The following C14orf39 variants were observed in gnomAD, a reference collection of about 807,000 sequenced individuals.
The protein encoded by C14orf39 is chromosome 14 open reading frame 39.
In C14orf39, 66 loss-of-function variants were observed where a neutral mutation model predicts 85.6. The observed-to-expected ratio is 0.77, with a 90% CI of 0.63 to 0.95. The LOEUF (loss-of-function observed/expected upper bound fraction) is 0.95. C14orf39 is among the 40% of genes least tolerant of loss of function. The pLI is 0.00. For synonymous variants in C14orf39, 242 were observed against 214.0 expected (o/e 1.13, Z -1.14); for missense variants, 735 against 663.9 (o/e 1.11, Z -1.18).
chr14:60,451,207 G>A (rs1002107028), intron 16 of C14orf39, among the ~76,000 whole-genome samples: 1 of 152,160 alleles, frequency 6.6e-6, no homozygotes, highest in African/African-American at 2.4e-5. Context: ...TGGAGAGGAT[G>A]TGGAGAAATA....
intron 16 of C14orf39, among the ~76,000 whole-genome samples, chr14:60,446,505 G>A (rs1011085287): frequency 2.0e-5 from 3 of 152,182 alleles, no homozygotes; most frequent in Admixed American, 6.5e-5. Flanking sequence ...CCAGGAAGAA[G>A]TTGAATCTCT....
chr14:60,468,423 T>A (rs1448581032), intron 9 of C14orf39, 22 bp downstream of exon 9: 10 of 1,433,232 alleles, frequency 7.0e-6, no homozygotes, highest in Non-Finnish European at 9.5e-6. Context: ...ACATAAAATT[T>A]AATTTTAAAG....
At chr14:60,454,849 T>C (rs1283344577) in intron 16 of C14orf39, 152 bp downstream of exon 16, 6 of 504,128 alleles carry the variant, frequency 1.2e-5, no homozygotes, top group Middle Eastern at 5.3e-4. Flanking sequence ...AAAAAGGTAA[T>C]AGGGAACTTT....
intron 13 of C14orf39, among the ~76,000 whole-genome samples, chr14:60,460,824 C>A (rs1440780861): frequency 1.3e-5 from 2 of 150,782 alleles, no homozygotes; most frequent in Non-Finnish European, 1.5e-5. Flanking sequence ...AGAAAATAGT[C>A]CAAGGTATTA....
At chr14:60,471,513 G>T in intron 6 of C14orf39, 39 bp downstream of exon 6, 1 of 1,569,184 alleles carries the variant, frequency 6.4e-7, no homozygotes. Context: ...TCATTACAAA[G>T]ATATCATAAT....
At chr14:60,487,445 G>T (rs1378554599), upstream of C14orf39, among the ~76,000 whole-genome samples, 2 of 151,522 alleles carry the variant, frequency 1.3e-5, no homozygotes. Flanking sequence ...TCATCCATGT[G>T]GTCACAAATG....
At chr14:60,502,338 CAG>C (rs1893159294) in intron 1 of C14orf39, among the ~76,000 whole-genome samples, 1 of 151,828 alleles carries the variant, frequency 6.6e-6, no homozygotes, top group Non-Finnish European at 1.5e-5. Flanking sequence ...TATTACAACA[CAG>C]AGAAATACAA....
At chr14:60,506,800 G>A (rs776921176) in intron 1 of C14orf39, among the ~76,000 whole-genome samples, 11 of 152,142 alleles carry the variant, frequency 7.2e-5, no homozygotes, top group Non-Finnish European at 1.6e-4. Context: ...CCAGTTGCCC[G>A]CGAGCCTCAG....
At chr14:60,485,786 G>A (rs974510149) in intron 1 of C14orf39, among the ~76,000 whole-genome samples, 159 bp downstream of exon 1, 31 of 151,450 alleles carry the variant, frequency 2.0e-4, no homozygotes, top group Non-Finnish European at 3.8e-4. Context: ...ATCCCCCGCC[G>A]CGCCCTCAGC....
chr14:60,470,830 T>A (rs1002762489), intron 7 of C14orf39, among the ~76,000 whole-genome samples: 3 of 151,926 alleles, frequency 2.0e-5, no homozygotes, highest in African/African-American at 7.2e-5. Context: ...TGAAGGATTG[T>A]GGAGGTTGAA....
intron 4 of C14orf39, among the ~76,000 whole-genome samples, chr14:60,481,817 CTTA>C (rs2140156329): frequency 6.6e-6 from 1 of 152,032 alleles, no homozygotes; most frequent in African/African-American, 2.4e-5. Context: ...TTTGCTTTTT[CTTA>C]TTAATTTCTA....
rs1893352653 is a variant in C14orf39 at position 60,515,415 on chromosome 14, C to A, written c.-164G>T. The stretch of plus-strand genomic sequence containing the variant: ...CCCACCTTTTCCATCCAGCGCCCCG[C>A]GAACTCGCGGACGTGTAGGCCTCGA... On this transcript the variant is annotated 5_prime_UTR_variant, in exon 1 of 6. Transcript: ENST00000556799. This position sits in a 1 kb window ranked among gnomAD's most constrained non-coding sequence, Gnocchi z 6.2. The A allele has an allele frequency of 6.6e-6, 1 of 152,138 alleles. No individual in the cohort carries two copies. 9.4% of individuals were successfully genotyped at this position (152,138 alleles called of 1,614,324 possible).
At chr14:60,441,084 A>G (rs1258693113) in intron 17 of C14orf39, among the ~76,000 whole-genome samples, 1 of 152,154 alleles carries the variant, frequency 6.6e-6, no homozygotes, top group Non-Finnish European at 1.5e-5. Flanking sequence ...GCCCACCTGG[A>G]AAATGACCTT....
chr14:60,465,904 T>G, intron 11 of C14orf39, 75 bp downstream of exon 11: 7 of 656,160 alleles, frequency 1.1e-5, no homozygotes, highest in South Asian at 4.9e-5. Flanking sequence ...GTCTGTGTCT[T>G]AAGGGCAGTA....
At chr14:60,465,541 A>C (rs893643707) in intron 11 of C14orf39, among the ~76,000 whole-genome samples, 2 of 152,028 alleles carry the variant, frequency 1.3e-5, no homozygotes, top group Non-Finnish European at 2.9e-5. Flanking sequence ...AAGTAAACTA[A>C]CTACCACTGA....
At chr14:60,509,092 C>A (rs1893248331) in intron 1 of C14orf39, 2 of 451,816 alleles carry the variant, frequency 4.4e-6, no homozygotes, top group African/African-American at 4.2e-5. Context: ...GCAGAGCCAC[C>A]CGGTGACTGA....
chr14:60,482,642 T>C (rs1450044468), intron 4 of C14orf39, among the ~76,000 whole-genome samples: 1 of 152,194 alleles, frequency 6.6e-6, no homozygotes, highest in Non-Finnish European at 1.5e-5. Context: ...TAGATCTCTA[T>C]ATGTGGAAGT....
At chr14:60,459,822 T>G (rs1282163176) in intron 13 of C14orf39, among the ~76,000 whole-genome samples, 1 of 151,790 alleles carries the variant, frequency 6.6e-6, no homozygotes, top group Non-Finnish European at 1.5e-5. Context: ...TGCTTTTTTG[T>G]TCTTCATTTG....
intron 10 of C14orf39, among the ~76,000 whole-genome samples, chr14:60,466,259 G>A (rs1891786741): frequency 6.6e-6 from 1 of 151,848 alleles, no homozygotes; most frequent in African/African-American, 2.4e-5. Context: ...AAGATGAAAT[G>A]ACAAAAGGCC....
Sources: gnomAD v4.1 joint callset for allele counts (sites outside exome capture counted in the v4.1 genomes callset) on GRCh38, gnomAD v4.1.1 for gene constraint, Gnocchi (gnomAD v3.1) non-coding constraint, MANE v1.5 for transcripts, NCBI Gene and HGNC (gene_info 2026-07-23, HGNC 2026-07-21) for gene names.